Variants in NOL4 observed in about 807,000 individuals in gnomAD.
The protein encoded by NOL4 is cancer/testis antigen 125.
Under a neutral mutation model 75.9 loss-of-function variants are expected in NOL4, and 17 were observed. The ratio of observed to expected loss-of-function variants is 0.22; its 90% CI spans 0.15 to 0.34. The LOEUF is 0.34. Ranked by LOEUF, NOL4 falls within the 10% of genes least tolerant of loss-of-function variation. NOL4 has a pLI of 1.00. For missense variants in NOL4, 614 were observed against 793.5 expected (o/e 0.77, Z 2.72); for synonymous variants, 292 against 289.9 (o/e 1.01, Z -0.07).
chr18:33,963,546 A>T (rs1415281290), intron 6 of NOL4, among the ~76,000 whole-genome samples: 1 of 152,108 alleles, frequency 6.6e-6, no homozygotes, highest in African/African-American at 2.4e-5. Flanking sequence ...GTATAAACCT[A>T]AAAAAATCCA....
intron 5 of NOL4, among the ~76,000 whole-genome samples, chr18:34,092,036 T>C (rs1568330370): frequency 6.6e-6 from 1 of 150,570 alleles, no homozygotes; most frequent in Non-Finnish European, 1.5e-5. Context: ...ACATTCTCTA[T>C]ACACCCTCTA....
At chr18:33,997,980 G>T (rs577507119) in intron 6 of NOL4, among the ~76,000 whole-genome samples, 1 of 151,840 alleles carries the variant, frequency 6.6e-6, no homozygotes, top group South Asian at 2.1e-4. Flanking sequence ...ACTACAAAAT[G>T]GACAGATCTT....
chr18:34,087,414 A>T (rs2078291719), intron 5 of NOL4, among the ~76,000 whole-genome samples: 1 of 152,092 alleles, frequency 6.6e-6, no homozygotes, highest in Non-Finnish European at 1.5e-5. Context: ...GAGATACACA[A>T]TGTACATATG....
At position 34,009,955 on chromosome 18, in the gene NOL4, C is replaced by T. The variant is rs986689619; in HGVS notation, c.1056+9363G>A. ...TACATAAGTTAGTTATTAGAATAAT[C>T]CTGGCACATAGTATACAAGTACTCA... is the stretch of plus-strand genomic sequence containing the variant. On this transcript the variant is annotated intron_variant, in intron 6 of 10. Coordinates refer to ENST00000261592, the MANE Select transcript of NOL4 (RefSeq NM_003787.5). Among the ~76,000 whole-genome samples, 5 of 151,946 alleles carry T rather than the reference C, an allele frequency of 3.3e-5. No individual in the cohort carries two copies. The East Asian group carries it at 9.8e-4, about 30-fold the overall frequency.
rs1245511398 is a variant in NOL4, at chr18:34,106,215, A to C, written c.415-1055T>G. 3.3e-5 allele frequency among the ~76,000 whole-genome samples: 5 copies of C among 152,212 alleles called. No individual in the cohort carries two copies. In the East Asian group the frequency reaches 9.6e-4, roughly 29 times the overall value. The stretch of plus-strand genomic sequence containing the variant: ...GAGGGGAAATGTGCAACAAATGTAT[A>C]ATTGAGTGCAAATGGGTGCTAGTTC... On this transcript the variant is annotated intron_variant, in intron 2 of 10. Transcript: ENST00000261592.
intron 6 of NOL4, among the ~76,000 whole-genome samples, chr18:34,013,078 A>C (rs1015201953): frequency 6.6e-6 from 1 of 151,970 alleles, no homozygotes; most frequent in African/African-American, 2.4e-5. Context: ...TAAAGCTAAT[A>C]ACTGTATTTG....
intron 5 of NOL4, among the ~76,000 whole-genome samples, chr18:34,063,556 C>A (rs1022654222): frequency 2.0e-5 from 3 of 152,014 alleles, no homozygotes; most frequent in African/African-American, 7.2e-5. Flanking sequence ...AAATGAAGTA[C>A]GTGAGGTTTT....
chr18:34,008,875 A>G (rs2146306538), intron 6 of NOL4, among the ~76,000 whole-genome samples: 1 of 152,162 alleles, frequency 6.6e-6, no homozygotes, highest in South Asian at 2.1e-4. Context: ...AGAAATTACC[A>G]GAATGAAAAA....
intron 9 of NOL4, among the ~76,000 whole-genome samples, chr18:33,937,224 C>T (rs975681666): frequency 6.6e-6 from 1 of 152,124 alleles, no homozygotes; most frequent in African/African-American, 2.4e-5. Flanking sequence ...GTCCTTGCCA[C>T]TGGCTTGCTT....
intron 5 of NOL4, among the ~76,000 whole-genome samples, chr18:34,046,934 G>T (rs1338743632): frequency 6.6e-6 from 1 of 151,788 alleles, no homozygotes; most frequent in African/African-American, 2.4e-5. Flanking sequence ...TCACCAAAAA[G>T]GTTGTTGGAA....
intron 8 of NOL4, among the ~76,000 whole-genome samples, chr18:33,956,072 A>G (rs2069623601): frequency 6.6e-6 from 1 of 152,106 alleles, no homozygotes; most frequent in African/African-American, 2.4e-5. Context: ...CATGTCACCT[A>G]TTGGAGATGC....
At chr18:33,926,275 G>A (rs966258884) in intron 9 of NOL4, among the ~76,000 whole-genome samples, 5 of 144,162 alleles carry the variant, frequency 3.5e-5, no homozygotes, top group African/African-American at 7.8e-5. Flanking sequence ...CAGGAGAATC[G>A]CTTGAACCTG....
chr18:34,192,235 A>C (rs2034971720), intron 1 of NOL4, among the ~76,000 whole-genome samples: 7 of 152,164 alleles, frequency 4.6e-5, no homozygotes, highest in Admixed American at 4.6e-4. Context: ...GACACAAATA[A>C]ATGAAATCCT....
intron 1 of NOL4, among the ~76,000 whole-genome samples, chr18:34,159,624 G>T (rs1029393526): frequency 6.6e-6 from 1 of 152,106 alleles, no homozygotes; most frequent in Admixed American, 6.5e-5. Flanking sequence ...CCGCCTCGCC[G>T]GAGGGGTCCC....
intron 6 of NOL4, among the ~76,000 whole-genome samples, chr18:34,009,569 T>C (rs1159567277): frequency 2.0e-5 from 3 of 151,960 alleles, no homozygotes; most frequent in Admixed American, 6.6e-5. Context: ...TAATTGCCTA[T>C]AGGTTAAGAA....
intron 1 of NOL4, among the ~76,000 whole-genome samples, chr18:34,216,271 T>C (rs2036881408): frequency 6.6e-6 from 1 of 152,178 alleles, no homozygotes; most frequent in African/African-American, 2.4e-5. Flanking sequence ...GAAAATCAAT[T>C]TGCCTTAGAA....
At chr18:34,137,746 G>C (rs531817665) in intron 1 of NOL4, among the ~76,000 whole-genome samples, 1 of 148,492 alleles carries the variant, frequency 6.7e-6, no homozygotes, top group East Asian at 2.0e-4. Context: ...CTTACCAGAC[G>C]ACTTGGTAAG....
At chr18:34,145,414 T>G (rs1194560094) in intron 1 of NOL4, among the ~76,000 whole-genome samples, 9 of 151,612 alleles carry the variant, frequency 5.9e-5, no homozygotes, top group Non-Finnish European at 1.2e-4. Flanking sequence ...TGATTTAAAC[T>G]TCCTAATTTA....
chr18:33,881,270 G>C (rs1389573563), intron 10 of NOL4, among the ~76,000 whole-genome samples: 1 of 150,252 alleles, frequency 6.7e-6, no homozygotes, highest in Non-Finnish European at 1.5e-5. Flanking sequence ...TTTGGGCTGA[G>C]ACAATGGGGT....
Sources: gnomAD v4.1 joint callset for allele counts (sites outside exome capture counted in the v4.1 genomes callset) on GRCh38, gnomAD v4.1.1 for gene constraint, MANE v1.5 for transcripts, NCBI Gene and HGNC (gene_info 2026-07-23, HGNC 2026-07-21) for gene names.